FMNL2: variants seen among roughly 807,000 people sequenced by gnomAD.
FMNL2 encodes the protein formin-like protein 2.
In FMNL2, 51 loss-of-function variants were observed where a neutral mutation model predicts 130.2. The observed-to-expected ratio is 0.39, with a 90% CI of 0.31 to 0.49. The LOEUF (loss-of-function observed/expected upper bound fraction) is 0.49. FMNL2 is among the 20% of genes least tolerant of loss of function. The pLI, the probability that FMNL2 is intolerant of heterozygous loss-of-function variation, is 0.85. For synonymous variants in FMNL2, 465 were observed against 467.1 expected (o/e 1.00, Z 0.06); for missense variants, 977 against 1,316.2 (o/e 0.74, Z 3.99).
chr2:152,526,413 TC>T (rs1215295645), intron 2 of FMNL2, among the ~76,000 whole-genome samples: 1 of 152,166 alleles, frequency 6.6e-6, no homozygotes, highest in East Asian at 1.9e-4. Flanking sequence ...CTCCTAGACT[TC>T]AGACTTAGTC....
chr2:152,368,281 T>C, intron 1 of FMNL2, among the ~76,000 whole-genome samples: 1 of 152,206 alleles, frequency 6.6e-6, no homozygotes, highest in Non-Finnish European at 1.5e-5. Flanking sequence ...AGATGATCTT[T>C]TAGCCTTTCA....
intron 9 of FMNL2, among the ~76,000 whole-genome samples, chr2:152,585,950 G>A (rs1697050246): frequency 1.3e-5 from 2 of 149,614 alleles, no homozygotes; most frequent in East Asian, 3.9e-4. Flanking sequence ...GCTTCCTTCT[G>A]AAGTCAAAGA....
chr2:152,601,119 A>G (rs957751364), intron 9 of FMNL2, among the ~76,000 whole-genome samples: 3 of 152,102 alleles, frequency 2.0e-5, no homozygotes, highest in Non-Finnish European at 4.4e-5. Context: ...CTAAGTAAGT[A>G]TAAGAAAGAA....
intron 1 of FMNL2, among the ~76,000 whole-genome samples, chr2:152,358,420 C>T (rs10182993): frequency 0.065 from 9,949 of 152,044 alleles, 642 homozygotes; most frequent in African/African-American, 0.16. Flanking sequence ...GAGGCTGAGG[C>T]GGGTGGATCA....
intron 1 of FMNL2, among the ~76,000 whole-genome samples, chr2:152,379,986 A>G (rs1006380931): frequency 6.6e-6 from 1 of 152,236 alleles, no homozygotes; most frequent in African/African-American, 2.4e-5. Flanking sequence ...AGATTCAGTT[A>G]TATCAAAGAT....
intron 1 of FMNL2, among the ~76,000 whole-genome samples, chr2:152,352,604 A>C (rs964335497): frequency 1.3e-5 from 2 of 152,214 alleles, no homozygotes; most frequent in East Asian, 3.8e-4. Context: ...CCCAGAACCA[A>C]CAGTAACTAC....
chr2:152,638,308 CAAG>C (rs750257060), intron 23 of FMNL2, among the ~76,000 whole-genome samples: 3 of 152,190 alleles, frequency 2.0e-5, no homozygotes, highest in Admixed American at 6.5e-5. Context: ...TGAGAAATTA[CAAG>C]AAGGCTGTTA....
rs1269301076 is a variant in FMNL2, at chr2:152,454,117, T to TA, written c.118-67825dup. ...GGTGAAACCCTGTCTCTGCTAAAAATACAAAAAAATTTAGCTGGGCATGGT... is the reference window on the plus strand; with the variant it reads ...GGTGAAACCCTGTCTCTGCTAAAAATAACAAAAAAATTTAGCTGGGCATGGT... On this transcript the variant is annotated intron_variant, in intron 1 of 25. Coordinates refer to ENST00000288670, the MANE Select transcript of FMNL2 (RefSeq NM_052905.4). 7.4e-5 allele frequency among the ~76,000 whole-genome samples: 11 copies of TA among 149,310 alleles called. No individual in the cohort carries two copies. In the Admixed American group the frequency reaches 7.7e-4, roughly 11 times the overall value.
intron 1 of FMNL2, among the ~76,000 whole-genome samples, chr2:152,457,142 T>G (rs1419584013): frequency 6.6e-6 from 1 of 151,834 alleles, no homozygotes; most frequent in East Asian, 1.9e-4. Context: ...TAAAGAAAGT[T>G]ATCAGAGTTG....
chr2:152,560,011 A>G (rs1400268798), intron 5 of FMNL2, among the ~76,000 whole-genome samples: 1 of 152,224 alleles, frequency 6.6e-6, no homozygotes, highest in Non-Finnish European at 1.5e-5. Flanking sequence ...ACTTTTATAA[A>G]AAGTTACACT....
chr2:152,365,596 AC>A (rs538249442), intron 1 of FMNL2, among the ~76,000 whole-genome samples: 1 of 151,984 alleles, frequency 6.6e-6, no homozygotes, highest in Non-Finnish European at 1.5e-5. Flanking sequence ...ACATGGTGAA[AC>A]CCCATCTCTA....
In FMNL2 at chr2:152,629,821, G is replaced by T; in HGVS notation, c.2470-4G>T. 6.2e-7 allele frequency: 1 copy of T among 1,612,582 alleles called. No individual in the cohort carries two copies. Reference sequence around the variant, plus strand: ...TGGGCTTCTGTTTTCACCTTCTTTTGCAGATCATCTTAGCCCTTGGAAACT... The same window carrying T: ...TGGGCTTCTGTTTTCACCTTCTTTTTCAGATCATCTTAGCCCTTGGAAACT... On this transcript the variant is annotated splice_polypyrimidine_tract_variant and splice_region_variant and intron_variant, in intron 19 of 25. Coordinates refer to ENST00000288670, the MANE Select transcript of FMNL2 (RefSeq NM_052905.4).
chr2:152,628,181 T>G, intron 17 of FMNL2, 118 bp from the exon 18 acceptor site: 1 of 818,988 alleles, frequency 1.2e-6, no homozygotes, highest in Non-Finnish European at 2.0e-6. Flanking sequence ...GTTGATTTGG[T>G]GTTTGATGAG....
At chr2:152,612,021 A>T (rs529122395) in intron 11 of FMNL2, among the ~76,000 whole-genome samples, 4 of 152,176 alleles carry the variant, frequency 2.6e-5, no homozygotes, top group Non-Finnish European at 5.9e-5. Flanking sequence ...TGCTTAGAGC[A>T]TAAAAAAAAA....
intron 2 of FMNL2, among the ~76,000 whole-genome samples, chr2:152,532,289 A>AT (rs1693742642): frequency 1.3e-5 from 2 of 152,146 alleles, no homozygotes; most frequent in Admixed American, 1.3e-4. Flanking sequence ...ACTGTTTTTA[A>AT]TTATTTTTAT....
At chr2:152,462,790 G>A (rs1263957321) in intron 1 of FMNL2, among the ~76,000 whole-genome samples, 1 of 152,202 alleles carries the variant, frequency 6.6e-6, no homozygotes, top group Non-Finnish European at 1.5e-5. Flanking sequence ...GGGGGTGATG[G>A]AGTCCTGTCT....
chr2:152,522,756 T>C (rs1693165396), intron 2 of FMNL2, among the ~76,000 whole-genome samples: 1 of 152,224 alleles, frequency 6.6e-6, no homozygotes, highest in Non-Finnish European at 1.5e-5. Flanking sequence ...TAAATATCTT[T>C]CCTTTGAAAA....
chr2:152,583,496 C>T (rs970730454), intron 9 of FMNL2, among the ~76,000 whole-genome samples: 3 of 152,190 alleles, frequency 2.0e-5, no homozygotes, highest in Non-Finnish European at 4.4e-5. Flanking sequence ...TGGTTTGGGG[C>T]TGCTACCTTT....
At chr2:152,379,094 T>A (rs1393251026) in intron 1 of FMNL2, among the ~76,000 whole-genome samples, 3 of 151,620 alleles carry the variant, frequency 2.0e-5, no homozygotes, top group Non-Finnish European at 4.4e-5. Flanking sequence ...TTGAAAACTT[T>A]GAGATCAGCA....
Sources: allele counts gnomAD v4.1 joint callset (sites outside exome capture counted in the v4.1 genomes callset), GRCh38; gene constraint gnomAD v4.1.1; transcripts MANE v1.5; gene names NCBI Gene and HGNC (gene_info 2026-07-23, HGNC 2026-07-21).